KCNN3: variants seen among roughly 807,000 people sequenced by gnomAD.
The protein encoded by KCNN3 is small conductance calcium-activated potassium channel protein 3.
A neutral mutation model predicts 62.9 loss-of-function variants in KCNN3; 16 were observed. The observed-to-expected ratio is 0.25, with a 90% CI of 0.17 to 0.39. The LOEUF (loss-of-function observed/expected upper bound fraction) is 0.39, where lower values mean the gene tolerates loss of function less well. Ranked by LOEUF, KCNN3 falls within the 10% of genes least tolerant of loss-of-function variation. KCNN3 has a pLI of 1.00. For synonymous variants in KCNN3, 370 were observed against 389.2 expected, an observed-to-expected ratio of 0.95 and a Z score of 0.58; for missense variants, 599 against 949.4, an observed-to-expected ratio of 0.63 and a Z score of 4.85.
At chr1:154,821,433 C>G (rs1650888322) in intron 2 of KCNN3, among the ~76,000 whole-genome samples, 1 of 152,224 alleles carries the variant, frequency 6.6e-6, no homozygotes, top group Non-Finnish European at 1.5e-5. Context: ...CTGTCTGACC[C>G]TCCTGGCCCG....
chr1:154,714,931 T>A lies in KCNN3; in HGVS notation c.1774A>T (p.Ile592Phe), dbSNP rs1331357011. The change falls in exon 6 of 8, where the codon ATT becomes TTT. Residue 592 changes from isoleucine (I) to phenylalanine (F), a missense_variant. Ile to Phe is a conservative substitution (Grantham distance 21, BLOSUM62 0). This residue lies in a region of KCNN3 where 288 missense variants were observed against 557.4 expected (regional missense o/e 0.52). Coordinates refer to ENST00000271915, the MANE Select transcript of KCNN3 (RefSeq NM_002249.6). ...TGTTTCCTCACTTTGGCATGGTCAATCTTCTTTAGCAGCTTTGTGTGTTTA... is the reference window on the plus strand; with the variant it reads ...TGTTTCCTCACTTTGGCATGGTCAAACTTCTTTAGCAGCTTTGTGTGTTTA... ...IYKHTKLLKK[I>F]DHAKVRKHQR... 1 of 1,613,632 alleles carries A rather than the reference T, an allele frequency of 6.2e-7. No homozygotes were observed. Among genetic ancestry groups the A allele is most frequent in the Non-Finnish European group, 8.5e-7 (1 of 1,179,776 alleles).
At chr1:154,775,187 C>T (rs1015601340) in intron 2 of KCNN3, among the ~76,000 whole-genome samples, 10 of 152,242 alleles carry the variant, frequency 6.6e-5, no homozygotes, top group African/African-American at 2.4e-4. Flanking sequence ...TTTCTCACTC[C>T]ACTTTGCTGC....
Position 154,733,145 on chromosome 1 carries a change from C to T in KCNN3, c.1449-1G>A. ...AGTTACGTCCTGCTGGTCATGGTAC[C>T]TGCCAATGGGAAGACAGGAGTTAGT... is the stretch of plus-strand genomic sequence containing the variant. On this transcript the variant is annotated splice_acceptor_variant, in intron 3 of 7. Transcript: ENST00000271915. LOFTEE classifies it high-confidence loss of function. The T allele has an allele frequency of 6.2e-7, 1 of 1,614,198 alleles. No homozygotes were observed. Among genetic ancestry groups the T allele is most frequent in the South Asian group, 1.1e-5 (1 of 91,088 alleles).
In KCNN3 at chr1:154,802,094, C is replaced by T. The variant is rs796184792; in HGVS notation, c.1029+19995G>A. 4.6e-5 allele frequency among the ~76,000 whole-genome samples: 7 copies of T among 152,266 alleles called. 1 individual carries two copies. Among genetic ancestry groups the T allele is most frequent in the African/African-American group, 1.4e-4 (6 of 41,542 alleles). On this transcript the variant is annotated intron_variant, in intron 2 of 7. Transcript: ENST00000271915. ...AGCAGCTACCATACTGAATTCCTAC[C>T]CTGTACCACTGCTTTCTGAGCATTA...
chr1:154,843,977 AG>A (rs1293337912), intron 1 of KCNN3, among the ~76,000 whole-genome samples: 2 of 152,092 alleles, frequency 1.3e-5, no homozygotes, highest in East Asian at 1.9e-4. Flanking sequence ...CGAAAGTAGG[AG>A]GGGGGGCTGC....
intron 5 of KCNN3, among the ~76,000 whole-genome samples, chr1:154,722,207 C>T (rs1049398245): frequency 6.6e-5 from 10 of 151,810 alleles, no homozygotes; most frequent in African/African-American, 1.9e-4. Context: ...TTCCTTTTTT[C>T]GTTTTGCGTA....
At chr1:154,839,010 T>C (rs1651715084) in intron 1 of KCNN3, among the ~76,000 whole-genome samples, 1 of 152,178 alleles carries the variant, frequency 6.6e-6, no homozygotes, top group Non-Finnish European at 1.5e-5. Flanking sequence ...ATCTGCCTTC[T>C]GCTCTCCCTC....
rs1031491207 is a variant in KCNN3 at position 154,703,160 on chromosome 1, G to A, written c.*4816C>T. The A allele has an allele frequency of 1.3e-5, 2 of 152,042 alleles. No individual in the cohort carries two copies. The highest frequency in any genetic ancestry group is 2.1e-4 in the South Asian group (1 of 4,826). 9.4% of individuals were successfully genotyped at this position (152,042 alleles called of 1,614,324 possible). On this transcript the variant is annotated 3_prime_UTR_variant, in exon 8 of 8. Transcript: ENST00000271915. ...TTCAATAAAAATCTACATATTACTC[G>A]TCTAACAGGAGTTTAACATTAATTT...
At chr1:154,840,590 CAA>C (rs1424769382) in intron 1 of KCNN3, among the ~76,000 whole-genome samples, 2 of 152,218 alleles carry the variant, frequency 1.3e-5, no homozygotes, top group Non-Finnish European at 2.9e-5. Context: ...CCTGCAGAGA[CAA>C]AGAGTCCTCA....
intron 1 of KCNN3, chr1:154,859,952 C>T (rs375309075): frequency 1.1e-6 from 1 of 880,826 alleles, no homozygotes; most frequent in Non-Finnish European, 1.7e-6. Flanking sequence ...CATTTGCATG[C>T]TGTTCATTTA....
At chr1:154,859,750 C>G (rs377429292) in intron 1 of KCNN3, 1 of 1,614,198 alleles carries the variant, frequency 6.2e-7, no homozygotes, top group Non-Finnish European at 8.5e-7. Context: ...ACTGTCCTTG[C>G]AGATGTCGCG....
chr1:154,848,649 A>G (rs1328811706), intron 1 of KCNN3, among the ~76,000 whole-genome samples: 1 of 152,040 alleles, frequency 6.6e-6, no homozygotes, highest in African/African-American at 2.4e-5. Flanking sequence ...AGCCCTCCCT[A>G]AGAACACAGG....
intron 2 of KCNN3, among the ~76,000 whole-genome samples, chr1:154,811,396 C>T (rs771643672): frequency 6.6e-6 from 1 of 152,092 alleles, no homozygotes; most frequent in Non-Finnish European, 1.5e-5. Flanking sequence ...AGACAATTAA[C>T]GTCACTGAAC....
chr1:154,736,053 A>C (rs1700705944), intron 3 of KCNN3, among the ~76,000 whole-genome samples: 1 of 152,148 alleles, frequency 6.6e-6, no homozygotes, highest in South Asian at 2.1e-4. Context: ...GCAGTTTAGC[A>C]GTGAGGAGTT....
chr1:154,752,478 T>A (rs1647425284), intron 3 of KCNN3, among the ~76,000 whole-genome samples: 1 of 152,152 alleles, frequency 6.6e-6, no homozygotes, highest in Admixed American at 6.5e-5. Flanking sequence ...GTGCTCCAGG[T>A]GGAGGACTCT....
At chr1:154,867,923 C>G (rs191168654) in intron 1 of KCNN3, 15 of 984,460 alleles carry the variant, frequency 1.5e-5, no homozygotes, top group Middle Eastern at 5.2e-4. Context: ...AGCTCCCCGG[C>G]AAGCAGAGCA....
intron 2 of KCNN3, among the ~76,000 whole-genome samples, chr1:154,786,018 G>T (rs1649267249): frequency 6.6e-6 from 1 of 152,086 alleles, no homozygotes; most frequent in Non-Finnish European, 1.5e-5. Flanking sequence ...AAACCAAGAG[G>T]CCACACTCTC....
chr1:154,698,817 A>G lies in KCNN3; in HGVS notation c.*9159T>C, dbSNP rs929972154. On this transcript the variant is annotated 3_prime_UTR_variant, in exon 8 of 8. Coordinates refer to ENST00000271915, the MANE Select transcript of KCNN3 (RefSeq NM_002249.6). ...CCTTCTGTGTGTGTTACCAAAAGGA[A>G]GCCATATTTGGAGCTGGTCTAAGCT... The G allele has an allele frequency of 1.3e-5, 2 of 152,198 alleles. No individual in the cohort carries two copies. Among genetic ancestry groups the G allele is most frequent in the African/African-American group, 2.4e-5 (1 of 41,430 alleles). 9.4% of individuals were successfully genotyped at this position (152,198 alleles called of 1,614,324 possible). A position where few individuals can be genotyped will look rare whatever the true frequency, so the allele number is the denominator to read the frequency against.
intron 1 of KCNN3, among the ~76,000 whole-genome samples, chr1:154,853,110 C>A (rs1463396766): frequency 6.6e-6 from 1 of 152,112 alleles, no homozygotes. Context: ...CCACCCCAGC[C>A]ACCCAAGTAG....
Sources: allele counts gnomAD v4.1 joint callset (sites outside exome capture counted in the v4.1 genomes callset), GRCh38; gene constraint gnomAD v4.1.1; regional missense constraint gnomAD v4.1.1; transcripts MANE v1.5; gene names NCBI Gene and HGNC (gene_info 2026-07-23, HGNC 2026-07-21).